Variants in RNF217 observed in about 807,000 individuals in gnomAD.
The protein encoded by RNF217 is E3 ubiquitin-protein ligase RNF217.
In RNF217, 31 loss-of-function variants were observed where a neutral mutation model predicts 57.8. The observed-to-expected ratio is 0.54, with a 90% confidence interval of 0.40 to 0.72. The LOEUF is 0.72. Among genes scored for constraint, RNF217 ranks in the 30% least tolerant of loss-of-function variants. The probability of loss-of-function intolerance (pLI) is 0.00; values close to 1 mark genes in which losing one functional copy is unlikely to be tolerated. For synonymous variants in RNF217, 313 were observed against 294.0 expected (o/e 1.06, Z -0.66); for missense variants, 696 against 708.3 (o/e 0.98, Z 0.20).
intron 1 of RNF217, among the ~76,000 whole-genome samples, chr6:124,979,786 G>C (rs1354923288): frequency 1.3e-5 from 2 of 152,208 alleles, no homozygotes; most frequent in Non-Finnish European, 2.9e-5. Context: ...GCTTCTGTGT[G>C]GAGAATGAAT....
rs1255456161 is a variant in RNF217 at position 125,090,215 on chromosome 6, CTG to C, written c.*7280_*7281del. 2 of 151,948 alleles carry C rather than the reference CTG, an allele frequency of 1.3e-5. No homozygotes were observed. Among genetic ancestry groups the C allele is most frequent in the Non-Finnish European group, 2.9e-5 (2 of 67,940 alleles). The allele number at this position is 151,948 out of a possible 1,614,324, so 9.4% of individuals were successfully genotyped here. A position where few individuals can be genotyped will look rare whatever the true frequency, so the allele number is the denominator to read the frequency against. On this transcript the variant is annotated 3_prime_UTR_variant, in exon 6 of 6. Coordinates refer to ENST00000521654, the MANE Select transcript of RNF217 (RefSeq NM_001286398.3). ...AACCATTTACCTTGACAAGGACAAT[CTG>C]TTACAGATTTTTAATATGAAAATTG...
chr6:125,072,444 T>A (rs1788184571), intron 3 of RNF217, among the ~76,000 whole-genome samples: 1 of 152,188 alleles, frequency 6.6e-6, no homozygotes, highest in Non-Finnish European at 1.5e-5. Flanking sequence ...AAATATTATT[T>A]GACCAACGGT....
intron 3 of RNF217, among the ~76,000 whole-genome samples, chr6:125,060,320 G>T (rs1787681764): frequency 6.6e-6 from 1 of 151,014 alleles, no homozygotes; most frequent in South Asian, 2.1e-4. Flanking sequence ...ATAACTAAAT[G>T]TATTTAAAAT....
chr6:124,976,262 C>T (rs1445323935), intron 1 of RNF217, among the ~76,000 whole-genome samples: 1 of 123,226 alleles, frequency 8.1e-6, no homozygotes, highest in East Asian at 2.8e-4. Flanking sequence ...TCCCTCCCTC[C>T]CTCCCTCCCT....
intron 1 of RNF217, among the ~76,000 whole-genome samples, chr6:125,021,405 A>C (rs1785832421): frequency 6.6e-6 from 1 of 151,774 alleles, no homozygotes; most frequent in Non-Finnish European, 1.5e-5. Context: ...AGCTGGGATT[A>C]CAGGTGCCTG....
At chr6:125,016,062 C>T (rs1411413663) in intron 1 of RNF217, among the ~76,000 whole-genome samples, 2 of 152,084 alleles carry the variant, frequency 1.3e-5, no homozygotes, top group African/African-American at 2.4e-5. Flanking sequence ...TCTAATGACA[C>T]TGGATACCAA....
intron 1 of RNF217, among the ~76,000 whole-genome samples, chr6:125,024,750 G>A (rs1253284710): frequency 6.6e-6 from 1 of 151,480 alleles, no homozygotes; most frequent in Admixed American, 6.6e-5. Context: ...ATGAAAGTGG[G>A]CAGTCAGGGG....
At position 125,002,018 on chromosome 6, in the gene RNF217, T is replaced by C. The variant is rs115043393; in HGVS notation, c.882+38592T>C. Among the ~76,000 whole-genome samples, 513 of 152,326 alleles carry C rather than the reference T, an allele frequency of 3.4e-3. 2 individuals are homozygous for C. Among genetic ancestry groups the C allele is most frequent in the African/African-American group, 0.012 (488 of 41,572 alleles). ...GTGCTGTTGTATTCTCCATATGAAA[T>C]AAGATCTTTAGTTACAGATCTTTTT... is the stretch of plus-strand genomic sequence containing the variant. On this transcript the variant is annotated intron_variant, in intron 1 of 5. Coordinates refer to ENST00000521654, the MANE Select transcript of RNF217 (RefSeq NM_001286398.3).
At position 125,013,910 on chromosome 6, in the gene RNF217, G is replaced by A. The variant is rs185367270; in HGVS notation, c.883-31301G>A. On this transcript the variant is annotated intron_variant, in intron 1 of 5. Transcript: ENST00000521654. ...GTTCTTATTTATTAATTTATGAAATGTGTTAACATAAATCCTAGAAACATA... is the reference window on the plus strand; with the variant it reads ...GTTCTTATTTATTAATTTATGAAATATGTTAACATAAATCCTAGAAACATA... Among the ~76,000 whole-genome samples the A allele has an allele frequency of 2.6e-5, 4 of 152,288 alleles. No homozygotes were observed. In the East Asian group the frequency reaches 5.8e-4, roughly 22 times the overall value.
At chr6:125,059,962 CTGTT>C (rs1317569220) in intron 3 of RNF217, among the ~76,000 whole-genome samples, 3 of 152,136 alleles carry the variant, frequency 2.0e-5, no homozygotes, top group Non-Finnish European at 4.4e-5. Context: ...AAGTTTCTGT[CTGTT>C]TAAGTCATAT....
At chr6:125,027,839 A>C (rs1786173131) in intron 1 of RNF217, among the ~76,000 whole-genome samples, 5 of 152,142 alleles carry the variant, frequency 3.3e-5, no homozygotes, top group Middle Eastern at 3.2e-3. Flanking sequence ...TTTTGGATAC[A>C]AGCTGTTTTA....
intron 1 of RNF217, among the ~76,000 whole-genome samples, chr6:125,007,033 T>C (rs181628333): frequency 2.0e-5 from 3 of 151,920 alleles, no homozygotes; most frequent in East Asian, 1.9e-4. Flanking sequence ...CAGTAATTAT[T>C]AAGTATGTAA....
chr6:125,000,339 A>G (rs941232255), intron 1 of RNF217, among the ~76,000 whole-genome samples: 1 of 152,064 alleles, frequency 6.6e-6, no homozygotes, highest in Non-Finnish European at 1.5e-5. Context: ...CTCTTTTACT[A>G]TAGTGATAGT....
Position 125,045,285 on chromosome 6 carries a change from C to G in RNF217, c.957C>G (p.Val319=), listed in dbSNP as rs1482817481. The G allele has an allele frequency of 6.2e-7, 1 of 1,613,354 alleles. No individual in the cohort carries two copies. Among genetic ancestry groups the G allele is most frequent in the East Asian group, 2.2e-5 (1 of 44,806 alleles). The change falls in exon 2 of 6, where the codon GTC becomes GTG. Residue 319 remains valine, a synonymous_variant. Transcript: ENST00000521654. ...AATTCTTGGAAGAAACAACTGTTGT[C>G]TATAACTTAACGCATGAAGACTCCA... The part of the protein sequence containing the change: ...CFEFLEETTV[V]YNLTHEDSIK...
In RNF217 at chr6:125,090,830, T is replaced by C. The variant is rs1788918460; in HGVS notation, c.*7893T>C. The C allele has an allele frequency of 6.6e-6, 1 of 151,982 alleles. No individual in the cohort carries two copies. Among genetic ancestry groups the C allele is most frequent in the Non-Finnish European group, 1.5e-5 (1 of 67,888 alleles). 9.4% of individuals were successfully genotyped at this position (151,982 alleles called of 1,614,324 possible). The stretch of plus-strand genomic sequence containing the variant: ...ATGATATTGGAAAATATTTATGCAA[T>C]TTTATTTTTTAACCTTTTCTCCATT... On this transcript the variant is annotated 3_prime_UTR_variant, in exon 6 of 6. Transcript: ENST00000521654.
chr6:124,983,641 T>C (rs1784257407), intron 1 of RNF217: 2 of 269,558 alleles, frequency 7.4e-6, no homozygotes, highest in Non-Finnish European at 1.1e-5. Flanking sequence ...GTGAAATTAA[T>C]TGATAATTTC....
chr6:125,065,837 C>CT (rs1241804927), intron 3 of RNF217, among the ~76,000 whole-genome samples: 1 of 152,146 alleles, frequency 6.6e-6, no homozygotes, highest in African/African-American at 2.4e-5. Flanking sequence ...AGTCGGTAGG[C>CT]AAATCGTAAA....
chr6:125,041,293 G>A (rs1214153158), intron 1 of RNF217, among the ~76,000 whole-genome samples: 1 of 152,032 alleles, frequency 6.6e-6, no homozygotes, highest in Non-Finnish European at 1.5e-5. Flanking sequence ...GCCTGTAACA[G>A]CTAGACATCA....
At chr6:125,043,778 T>C (rs1296243057) in intron 1 of RNF217, among the ~76,000 whole-genome samples, 3 of 151,948 alleles carry the variant, frequency 2.0e-5, no homozygotes, top group East Asian at 1.9e-4. Context: ...TCCAAAAAAA[T>C]AGAAAAAAGT....
Sources: allele counts gnomAD v4.1 joint callset (sites outside exome capture counted in the v4.1 genomes callset), GRCh38; gene constraint gnomAD v4.1.1; transcripts MANE v1.5; gene names NCBI Gene and HGNC (gene_info 2026-07-23, HGNC 2026-07-21).